Variants in TMPRSS2 observed in about 807,000 individuals in gnomAD.
TMPRSS2 encodes transmembrane serine protease 2.
TMPRSS2 carries 59 observed loss-of-function variants against 67.4 expected under a neutral mutation model. The ratio of observed to expected loss-of-function variants is 0.88; its 90% CI spans 0.71 to 1.09. The LOEUF (loss-of-function observed/expected upper bound fraction) is 1.09. Ranked by LOEUF, TMPRSS2 falls within the 50% of genes least tolerant of loss-of-function variation. The probability of loss-of-function intolerance (pLI) is 0.00; values close to 1 mark genes in which losing one functional copy is unlikely to be tolerated. For synonymous variants in TMPRSS2, 257 were observed against 257.0 expected, an observed-to-expected ratio of 1.00 and a Z score of 0.00; for missense variants, 668 against 642.7, an observed-to-expected ratio of 1.04 and a Z score of -0.43.
Position 41,471,845 on chromosome 21 carries a change from T to C in TMPRSS2, c.1036A>G (p.Ile346Val). The C allele has an allele frequency of 6.8e-6, 11 of 1,612,654 alleles. No individual in the cohort carries two copies. Among genetic ancestry groups the C allele is most frequent in the South Asian group, 1.1e-5 (1 of 91,026 alleles). Residue 346 changes from isoleucine (I) to valine (V), a missense_variant, in exon 10 of 14, where the codon ATT becomes GTT. Ile to Val is a conservative substitution (Grantham distance 29). Transcript: ENST00000332149. Reference protein sequence around the residue: ...NYDSKTKNNDIALMKLQKPLT... With the variant: ...NYDSKTKNNDVALMKLQKPLT... ...GGCTTCTGCAGCTTCATCAGCGCAA[T>C]GTCATTGTTCTTGGTCTTGGAGTCA...
chr21:41,497,984 C>T (rs542500773), intron 2 of TMPRSS2, 135 bp downstream of exon 2: 4 of 658,908 alleles, frequency 6.1e-6, no homozygotes, highest in Non-Finnish European at 1.1e-5. Flanking sequence ...CTAGAGGGTG[C>T]CTTGAACAGC....
chr21:41,469,859 G>A (rs1390379963), intron 11 of TMPRSS2, among the ~76,000 whole-genome samples: 1 of 152,080 alleles, frequency 6.6e-6, no homozygotes, highest in Non-Finnish European at 1.5e-5. Context: ...CTAGGTGCAG[G>A]TGCGCACAAA....
intron 3 of TMPRSS2, among the ~76,000 whole-genome samples, chr21:41,490,925 C>A (rs2091330475): frequency 6.6e-6 from 1 of 152,208 alleles, no homozygotes; most frequent in African/African-American, 2.4e-5. Flanking sequence ...CCTGGAACTC[C>A]CCACCTGGCC....
intron 8 of TMPRSS2, among the ~76,000 whole-genome samples, chr21:41,475,808 G>C (rs3787946): frequency 0.25 from 38,346 of 151,330 alleles, 5,220 homozygotes; most frequent in East Asian, 0.41. Context: ...TCTCCACCAG[G>C]AGATGAGTGC....
intron 5 of TMPRSS2, among the ~76,000 whole-genome samples, chr21:41,481,956 G>A (rs2091260355): frequency 6.6e-6 from 1 of 152,098 alleles, no homozygotes. Context: ...ACCTACTTGG[G>A]AGGCTGAGGC....
In TMPRSS2 at chr21:41,494,287, G is replaced by A. The variant is rs1209906732; in HGVS notation, c.238+69C>T. 14 of 1,525,586 alleles carry A rather than the reference G, an allele frequency of 9.2e-6. No individual in the cohort carries two copies. The African/African-American group carries it at 1.1e-4, about 12-fold the overall frequency. 94.5% of individuals were successfully genotyped at this position (1,525,586 alleles called of 1,614,324 possible). A position where few individuals can be genotyped will look rare whatever the true frequency, so the allele number is the denominator to read the frequency against. On this transcript the variant is annotated intron_variant, in intron 3 of 13. Transcript: ENST00000332149. ...TGGCGACAGTGGTGTTGGGAGCAGA[G>A]AGCCCACTGGGGAGGTAGACCCGGG... is the stretch of plus-strand genomic sequence containing the variant.
At position 41,502,730 on chromosome 21, in the gene TMPRSS2, T is replaced by C. The variant is rs912236187; in HGVS notation, c.-56-4541A>G. 2.0e-5 allele frequency among the ~76,000 whole-genome samples: 3 copies of C among 152,176 alleles called. No homozygotes were observed. The East Asian group carries it at 5.8e-4, about 29-fold the overall frequency. The stretch of plus-strand genomic sequence containing the variant: ...ATCAGGTAAATTGCATACACAATGA[T>C]TGGCACAAGAGTTCTACTGAGAGAG... On this transcript the variant is annotated intron_variant, in intron 1 of 13. Coordinates refer to ENST00000332149, the MANE Select transcript of TMPRSS2 (RefSeq NM_005656.4).
intron 5 of TMPRSS2, among the ~76,000 whole-genome samples, chr21:41,482,405 T>C (rs2091263704): frequency 6.6e-6 from 1 of 152,154 alleles, no homozygotes; most frequent in Non-Finnish European, 1.5e-5. Context: ...AAAACAGCGC[T>C]GTGGGAAAGA....
intron 3 of TMPRSS2, among the ~76,000 whole-genome samples, chr21:41,493,553 A>AT (rs2091355293): frequency 6.6e-6 from 1 of 152,230 alleles, no homozygotes; most frequent in Non-Finnish European, 1.5e-5. Flanking sequence ...CAGGATGCAC[A>AT]TTTCACAAAA....
chr21:41,479,357 C>T (rs1278286339), intron 6 of TMPRSS2, 75 bp from the exon 7 acceptor site: 27 of 1,073,074 alleles, frequency 2.5e-5, no homozygotes, highest in East Asian at 9.6e-5. Context: ...GTCATAATAC[C>T]GCTCATACGA....
Position 41,476,634 on chromosome 21 carries a change from AGG to A in TMPRSS2, c.684-16_684-15del, listed in dbSNP as rs771768812. ...GAACAGGCATCACTGCAAAAAGAAC[AGG>A]GGAAATTCTGGTCACGATAGTGCGG... On this transcript the variant is annotated splice_polypyrimidine_tract_variant and intron_variant, in intron 7 of 13. Transcript: ENST00000332149. 126 of 17,380 alleles carry A rather than the reference AGG, an allele frequency of 7.2e-3. No individual in the cohort carries two copies. The Non-Finnish European group carries it at 0.086, about 12-fold the overall frequency. 1.1% of individuals were successfully genotyped at this position (17,380 alleles called of 1,614,324 possible).
At chr21:41,480,369 G>T in intron 6 of TMPRSS2, 107 bp downstream of exon 6, 1 of 1,516,108 alleles carries the variant, frequency 6.6e-7, no homozygotes, top group Non-Finnish European at 8.8e-7. Flanking sequence ...GGTGACAATT[G>T]TCCCCAGCAC....
intron 11 of TMPRSS2, among the ~76,000 whole-genome samples, chr21:41,470,305 C>T (rs2091121233): frequency 6.6e-6 from 1 of 152,184 alleles, no homozygotes; most frequent in Non-Finnish European, 1.5e-5. Flanking sequence ...CCCTGTCACT[C>T]AGCCACGCAG....
chr21:41,477,064 C>T (rs2091219532), intron 7 of TMPRSS2, among the ~76,000 whole-genome samples: 1 of 152,106 alleles, frequency 6.6e-6, no homozygotes, highest in Admixed American at 6.5e-5. Flanking sequence ...TTAGAAGAAA[C>T]GTAAGAGTTA....
intron 6 of TMPRSS2, 128 bp from the exon 7 acceptor site, chr21:41,479,410 A>T: frequency 1.5e-6 from 1 of 689,434 alleles, no homozygotes; most frequent in South Asian, 2.1e-5. Context: ...TAGGAAAAAA[A>T]ATCACACGTT....
At chr21:41,479,991 T>C (rs925722424) in intron 6 of TMPRSS2, among the ~76,000 whole-genome samples, 1 of 152,092 alleles carries the variant, frequency 6.6e-6, no homozygotes, top group African/African-American at 2.4e-5. Context: ...TAAGTATCAG[T>C]CTGATTGATT....
chr21:41,467,697 T>TCGGAGAA (rs1364729981), intron 13 of TMPRSS2, 37 bp downstream of exon 13: 1 of 1,607,950 alleles, frequency 6.2e-7, no homozygotes, highest in Admixed American at 1.7e-5. Flanking sequence ...GCTCGAGGAA[T>TCGGAGAA]CGGAGAACAC....
intron 1 of TMPRSS2, among the ~76,000 whole-genome samples, chr21:41,499,124 A>G (rs2091406268): frequency 6.6e-6 from 1 of 152,304 alleles, no homozygotes; most frequent in African/African-American, 2.4e-5. Flanking sequence ...TCCATAAAAC[A>G]TGTCCACAGT....
At chr21:41,496,569 G>A (rs1429765664) in intron 2 of TMPRSS2, among the ~76,000 whole-genome samples, 2 of 152,110 alleles carry the variant, frequency 1.3e-5, no homozygotes, top group African/African-American at 4.8e-5. Flanking sequence ...CCTTCAGCTG[G>A]TGCCTATCTT....
Sources: allele counts gnomAD v4.1 joint callset (sites outside exome capture counted in the v4.1 genomes callset), GRCh38; gene constraint gnomAD v4.1.1; transcripts MANE v1.5; gene names NCBI Gene and HGNC (gene_info 2026-07-23, HGNC 2026-07-21).